Variants in GPHN observed in about 807,000 individuals in gnomAD.
GPHN encodes gephyrin.
In GPHN, 17 loss-of-function variants were observed where a neutral mutation model predicts 95.5. The observed-to-expected ratio is 0.18, with a 90% CI of 0.12 to 0.27. The LOEUF (loss-of-function observed/expected upper bound fraction) is 0.27, where lower values mean the gene tolerates loss of function less well. GPHN is among the 10% of genes least tolerant of loss of function. The pLI, the probability that GPHN is intolerant of heterozygous loss-of-function variation, is 1.00. For missense variants in GPHN, 660 were observed against 978.1 expected, an observed-to-expected ratio of 0.67 and a Z score of 4.34; for synonymous variants, 320 against 322.5, an observed-to-expected ratio of 0.99 and a Z score of 0.08.
chr14:66,859,607 T>A (rs1225433224), intron 4 of GPHN, among the ~76,000 whole-genome samples: 1 of 152,092 alleles, frequency 6.6e-6, no homozygotes, highest in African/African-American at 2.4e-5. Context: ...CAGGAAAACA[T>A]CACCTCACAC....
chr14:67,582,134 C>T, the GPHN span: 3 of 1,613,474 alleles, frequency 1.9e-6, no homozygotes, highest in African/African-American at 2.7e-5. This position sits in a 1 kb window ranked among gnomAD's most constrained non-coding sequence, Gnocchi z 5.0. Flanking sequence ...GCCTCTCAAA[C>T]CAGTAGAGAG....
chr14:67,629,020 T>C, the GPHN span, among the ~76,000 whole-genome samples: 1 of 152,160 alleles, frequency 6.6e-6, no homozygotes, highest in South Asian at 2.1e-4. Flanking sequence ...TACATACATA[T>C]AATGGACTAT....
chr14:67,180,805 T>C lies in GPHN; in HGVS notation c.2178T>C (p.Gly726=). 2 of 1,613,472 alleles carry C rather than the reference T, an allele frequency of 1.2e-6. No homozygotes were observed. The highest frequency in any genetic ancestry group is 1.7e-6 in the Non-Finnish European group (2 of 1,179,654). Residue 726 remains glycine, a splice_region_variant and synonymous_variant, in exon 23 of 23, where the codon GGT becomes GGC. Transcript: ENST00000478722. ...TGTAATAAGAGTATTTCTTTCTAGGTAATCAAATGAGCAGCCGTCTGATGA... is the reference window on the plus strand; with the variant it reads ...TGTAATAAGAGTATTTCTTTCTAGGCAATCAAATGAGCAGCCGTCTGATGA... ...QEPLPWAQST[G]NQMSSRLMSM... is the part of the protein sequence containing the mutation.
intron 9 of GPHN, among the ~76,000 whole-genome samples, chr14:66,988,546 G>A (rs2071182908): frequency 1.3e-5 from 2 of 151,998 alleles, no homozygotes; most frequent in Non-Finnish European, 2.9e-5. Context: ...TAGAATAAAT[G>A]TATGTCATTT....
intron 18 of GPHN, among the ~76,000 whole-genome samples, chr14:67,158,454 G>A (rs1408687504): frequency 6.6e-6 from 1 of 152,138 alleles, no homozygotes; most frequent in Admixed American, 6.6e-5. Context: ...TATTGGCAAG[G>A]AGACCTATTT....
the GPHN span, among the ~76,000 whole-genome samples, chr14:67,550,564 C>A: frequency 6.6e-6 from 1 of 152,140 alleles, no homozygotes; most frequent in Non-Finnish European, 1.5e-5. Context: ...CAAATGTTTG[C>A]AGTTAATTTA....
the GPHN span, among the ~76,000 whole-genome samples, chr14:67,289,893 C>T: frequency 3.3e-5 from 5 of 151,618 alleles, no homozygotes; most frequent in South Asian, 1.0e-3. Flanking sequence ...GCCTCAGCCT[C>T]TCGAGTAGCT....
the GPHN span, chr14:67,279,100 A>T: frequency 3.5e-6 from 5 of 1,410,554 alleles, no homozygotes; most frequent in Admixed American, 2.7e-5. Context: ...ATTTTATACT[A>T]CAGAATCAAG....
intron 1 of GPHN, among the ~76,000 whole-genome samples, chr14:66,627,618 A>C (rs1268117311): frequency 6.6e-6 from 1 of 152,014 alleles, no homozygotes; most frequent in Non-Finnish European, 1.5e-5. Flanking sequence ...ACATTTTACT[A>C]ATTTTTTTGA....
the GPHN span, among the ~76,000 whole-genome samples, chr14:67,506,093 C>T: frequency 6.6e-6 from 1 of 152,146 alleles, no homozygotes; most frequent in Non-Finnish European, 1.5e-5. Context: ...AAATATGGAC[C>T]AGGAAGCTGG....
At chr14:67,188,216 T>C in the GPHN span, among the ~76,000 whole-genome samples, 1 of 152,272 alleles carries the variant, frequency 6.6e-6, no homozygotes, top group South Asian at 2.1e-4. Flanking sequence ...GTGCCACAAA[T>C]TCAGACTTAC....
rs80039600 is a variant in GPHN at position 66,696,927 on chromosome 14, A to G, written c.143+15742A>G. ...TAAAAGAGTAGTCCTCATTAGAAAA[A>G]TATTTAAGTCACTTTTTAAAAAAGT... On this transcript the variant is annotated intron_variant, in intron 2 of 22. Coordinates refer to ENST00000478722, the MANE Select transcript of GPHN (RefSeq NM_020806.5). Among the ~76,000 whole-genome samples, 455 of 152,334 alleles carry G rather than the reference A, an allele frequency of 3.0e-3. 3 individuals carry two copies. Among genetic ancestry groups the G allele is most frequent in the African/African-American group, 0.011 (438 of 41,570 alleles).
At chr14:66,807,245 A>G (rs533294384) in intron 3 of GPHN, among the ~76,000 whole-genome samples, 27 of 152,290 alleles carry the variant, frequency 1.8e-4, no homozygotes, top group African/African-American at 6.5e-4. Flanking sequence ...CCATGATTCA[A>G]TTACCTCCCA....
the GPHN span, chr14:67,393,150 C>T: frequency 9.9e-6 from 16 of 1,608,990 alleles, no homozygotes; most frequent in African/African-American, 1.2e-4. Context: ...ACAGGCTCAC[C>T]GAGGAAGGTC....
At chr14:67,072,666 C>T (rs960782645) in intron 11 of GPHN, among the ~76,000 whole-genome samples, 1 of 151,936 alleles carries the variant, frequency 6.6e-6, no homozygotes, top group African/African-American at 2.4e-5. Context: ...AACTTAGTTG[C>T]AATAATCTTT....
rs1595815665 is a variant in GPHN at position 66,760,917 on chromosome 14, A to T, written c.144-15547A>T. On this transcript the variant is annotated intron_variant, in intron 2 of 22. Coordinates refer to ENST00000478722, the MANE Select transcript of GPHN (RefSeq NM_020806.5). ...GGATATCAAAGAAGTCAAGCAAAACATCCATCTTATCCGAGCCTCTTTTGC... is the reference window on the plus strand; with the variant it reads ...GGATATCAAAGAAGTCAAGCAAAACTTCCATCTTATCCGAGCCTCTTTTGC... 3 of 946,264 alleles carry T rather than the reference A, an allele frequency of 3.2e-6. No homozygotes were observed. The East Asian group carries it at 1.0e-4, about 32-fold the overall frequency. 58.6% of individuals were successfully genotyped at this position (946,264 alleles called of 1,614,324 possible). A position where few individuals can be genotyped will look rare whatever the true frequency, so the allele number is the denominator to read the frequency against.
chr14:66,761,496 G>T (rs1483858238), intron 2 of GPHN, among the ~76,000 whole-genome samples: 1 of 152,114 alleles, frequency 6.6e-6, no homozygotes, highest in Non-Finnish European at 1.5e-5. Context: ...CATCTTAGAA[G>T]AGCATAATGA....
At chr14:66,849,858 T>C (rs1378371423) in intron 4 of GPHN, among the ~76,000 whole-genome samples, 1 of 152,102 alleles carries the variant, frequency 6.6e-6, no homozygotes, top group Non-Finnish European at 1.5e-5. Flanking sequence ...TTTTGACATA[T>C]AAACCATTCA....
At chr14:67,665,319 C>T in the GPHN span, among the ~76,000 whole-genome samples, 6 of 140,912 alleles carry the variant, frequency 4.3e-5, no homozygotes, top group Non-Finnish European at 6.1e-5. Flanking sequence ...GGCATGATTA[C>T]GGCTCACTGC....
Sources: allele counts gnomAD v4.1 joint callset (sites outside exome capture counted in the v4.1 genomes callset), GRCh38; gene constraint gnomAD v4.1.1; non-coding constraint Gnocchi (gnomAD v3.1); transcripts MANE v1.5; gene names NCBI Gene and HGNC (gene_info 2026-07-23, HGNC 2026-07-21).